The following SH3BGRL2 variants were observed in gnomAD, a reference collection of about 807,000 sequenced individuals.
The protein encoded by SH3BGRL2 is SH3 domain binding glutamate rich protein like 2.
In SH3BGRL2, 21 loss-of-function variants were observed where a neutral mutation model predicts 14.8. The observed-to-expected ratio is 1.42, with a 90% confidence interval of 1.01 to 2.05. The LOEUF is 2.05. Ranked by LOEUF, SH3BGRL2 falls within the 30% of genes most tolerant of loss-of-function variation. The pLI, the probability that SH3BGRL2 is intolerant of heterozygous loss-of-function variation, is 0.00. For synonymous variants in SH3BGRL2, 50 were observed against 47.8 expected (o/e 1.05, Z -0.19); for missense variants, 147 against 130.8 (o/e 1.12, Z -0.61).
rs868833778 is a variant in SH3BGRL2, at chr6:79,701,749, G to T, written c.*2240G>T. On this transcript the variant is annotated 3_prime_UTR_variant, in exon 4 of 4. Transcript: ENST00000369838. ...CAGAGTACCAAGATGTTGCCCTCTG[G>T]GACCACACTTAGCTCAGAGAATATG... 6.6e-6 allele frequency: 1 copy of T among 151,654 alleles called. No homozygotes were observed. Among genetic ancestry groups the T allele is most frequent in the African/African-American group, 2.4e-5 (1 of 41,230 alleles). 9.4% of individuals were successfully genotyped at this position (151,654 alleles called of 1,614,324 possible). A position where few individuals can be genotyped will look rare whatever the true frequency, so the allele number is the denominator to read the frequency against.
chr6:79,678,195 C>T (rs79341892), intron 2 of SH3BGRL2, among the ~76,000 whole-genome samples: 2,692 of 152,184 alleles, frequency 0.018, 81 homozygotes, highest in African/African-American at 0.061. Flanking sequence ...TTTAAGTGTA[C>T]AGTTCAGTAG....
At chr6:79,651,322 A>G (rs1407280765) in intron 1 of SH3BGRL2, among the ~76,000 whole-genome samples, 1 of 152,200 alleles carries the variant, frequency 6.6e-6, no homozygotes, top group Non-Finnish European at 1.5e-5. Context: ...AGAGTTGTAT[A>G]TAATTTTCAG....
the SH3BGRL2 span, among the ~76,000 whole-genome samples, chr6:79,613,237 A>G: frequency 2.0e-5 from 3 of 152,230 alleles, no homozygotes; most frequent in Non-Finnish European, 4.4e-5. Context: ...AGAAGTTTTG[A>G]AGGGCATCTC....
chr6:79,628,251 A>C (rs1562141707), upstream of SH3BGRL2, among the ~76,000 whole-genome samples: 2 of 151,800 alleles, frequency 1.3e-5, no homozygotes, highest in South Asian at 4.2e-4. Flanking sequence ...GTAACCTTAT[A>C]CTTTCAAATT....
intron 2 of SH3BGRL2, among the ~76,000 whole-genome samples, chr6:79,690,340 C>T (rs987762360): frequency 6.6e-6 from 1 of 152,104 alleles, no homozygotes; most frequent in Non-Finnish European, 1.5e-5. Flanking sequence ...CCTTTTAAAA[C>T]AAGAACAGGG....
At chr6:79,571,513 AT>A in the SH3BGRL2 span, among the ~76,000 whole-genome samples, 1 of 152,150 alleles carries the variant, frequency 6.6e-6, no homozygotes, top group African/African-American at 2.4e-5. Context: ...TAATTGGCAA[AT>A]AGAAATTGTA....
chr6:79,685,587 A>G (rs1770074956), intron 2 of SH3BGRL2, among the ~76,000 whole-genome samples: 1 of 152,058 alleles, frequency 6.6e-6, no homozygotes, highest in Admixed American at 6.6e-5. Context: ...TTTCTCCCCT[A>G]TTTTGATATA....
At chr6:79,676,045 A>T (rs1258153861) in intron 2 of SH3BGRL2, among the ~76,000 whole-genome samples, 1 of 151,986 alleles carries the variant, frequency 6.6e-6, no homozygotes, top group African/African-American at 2.4e-5. Flanking sequence ...CTCATTGCAG[A>T]TATTGATAGT....
At chr6:79,575,484 C>T in the SH3BGRL2 span, 1 of 152,080 alleles carries the variant, frequency 6.6e-6, no homozygotes. Context: ...TTTCTCATGT[C>T]ATATAATGAT....
the SH3BGRL2 span, among the ~76,000 whole-genome samples, chr6:79,592,617 A>G: frequency 1.3e-5 from 2 of 152,262 alleles, no homozygotes; most frequent in South Asian, 4.1e-4. Context: ...TCAAGATAAA[A>G]ATGGAAAGAT....
chr6:79,639,627 A>G (rs956621890), intron 1 of SH3BGRL2, among the ~76,000 whole-genome samples: 3 of 152,126 alleles, frequency 2.0e-5, no homozygotes, highest in Non-Finnish European at 4.4e-5. Context: ...ACCAACAACA[A>G]AAATACTTTA....
the SH3BGRL2 span, among the ~76,000 whole-genome samples, chr6:79,548,825 A>G: frequency 6.6e-6 from 1 of 152,210 alleles, no homozygotes; most frequent in Non-Finnish European, 1.5e-5. Flanking sequence ...TCTGGATCTA[A>G]TAGGAGGAAC....
chr6:79,683,590 A>G (rs138488570), intron 2 of SH3BGRL2, among the ~76,000 whole-genome samples: 1 of 152,160 alleles, frequency 6.6e-6, no homozygotes, highest in East Asian at 1.9e-4. Context: ...CTGGGACTAC[A>G]GGCGCATGCC....
chr6:79,583,405 G>A, the SH3BGRL2 span, among the ~76,000 whole-genome samples: 1 of 152,270 alleles, frequency 6.6e-6, no homozygotes, highest in South Asian at 2.1e-4. Flanking sequence ...GTGATAGACT[G>A]GATAAAGAAA....
chr6:79,545,927 GT>G, the SH3BGRL2 span, among the ~76,000 whole-genome samples: 2 of 151,878 alleles, frequency 1.3e-5, no homozygotes, highest in East Asian at 3.9e-4. Context: ...TAGTTAAAAT[GT>G]TTCCATTTTC....
At chr6:79,562,093 T>C in the SH3BGRL2 span, among the ~76,000 whole-genome samples, 1 of 152,004 alleles carries the variant, frequency 6.6e-6, no homozygotes, top group Non-Finnish European at 1.5e-5. Context: ...CAACAATATA[T>C]TTTTTTATTA....
chr6:79,591,524 C>T, the SH3BGRL2 span, among the ~76,000 whole-genome samples: 1 of 152,190 alleles, frequency 6.6e-6, no homozygotes, highest in African/African-American at 2.4e-5. Context: ...TCCCCTACCT[C>T]AGCCATCCTA....
At chr6:79,538,472 T>A in the SH3BGRL2 span, among the ~76,000 whole-genome samples, 1 of 152,230 alleles carries the variant, frequency 6.6e-6, no homozygotes, top group East Asian at 1.9e-4. Context: ...AATGTAATTT[T>A]CTGTATGCGA....
At chr6:79,649,376 AT>A (rs1769234710) in intron 1 of SH3BGRL2, among the ~76,000 whole-genome samples, 1 of 152,206 alleles carries the variant, frequency 6.6e-6, no homozygotes, top group Admixed American at 6.5e-5. Context: ...CATATGTGGT[AT>A]ATTTTAGAAA....
Sources: allele counts gnomAD v4.1 joint callset (sites outside exome capture counted in the v4.1 genomes callset), GRCh38; gene constraint gnomAD v4.1.1; transcripts MANE v1.5; gene names NCBI Gene and HGNC (gene_info 2026-07-23, HGNC 2026-07-21).